CCDC88C: variants seen among roughly 807,000 people sequenced by gnomAD.
CCDC88C encodes the protein protein Daple.
In CCDC88C, 131 loss-of-function variants were observed where a neutral mutation model predicts 198.8. The observed-to-expected ratio is 0.66, with a 90% CI of 0.57 to 0.76. CCDC88C has a LOEUF of 0.76. Among genes scored for constraint, CCDC88C ranks in the 30% least tolerant of loss-of-function variants. The pLI is 0.00. For synonymous variants in CCDC88C, 1,166 were observed against 1,114.7 expected, an observed-to-expected ratio of 1.05 and a Z score of -0.92; for missense variants, 2,553 against 2,631.6, an observed-to-expected ratio of 0.97 and a Z score of 0.65.
intron 3 of CCDC88C, among the ~76,000 whole-genome samples, chr14:91,369,712 C>T (rs1432969824): frequency 2.6e-5 from 4 of 152,122 alleles, no homozygotes; most frequent in African/African-American, 9.7e-5. Flanking sequence ...GGAGTCCTGG[C>T]AAAACGAGTG....
At chr14:91,308,214 C>T in intron 17 of CCDC88C, 137 bp downstream of exon 17, 1 of 991,804 alleles carries the variant, frequency 1.0e-6, no homozygotes, top group Non-Finnish European at 1.5e-6. Context: ...GTGGCTCCCT[C>T]AGTCACTCTG....
intron 29 of CCDC88C, among the ~76,000 whole-genome samples, chr14:91,275,794 A>T (rs1391048846): frequency 7.1e-6 from 1 of 141,416 alleles, no homozygotes; most frequent in Admixed American, 7.2e-5. Context: ...GGCATGAGCC[A>T]CCGCTTGGCC....
intron 13 of CCDC88C, among the ~76,000 whole-genome samples, chr14:91,320,239 G>C (rs572138715): frequency 6.6e-6 from 1 of 152,220 alleles, no homozygotes; most frequent in Admixed American, 6.5e-5. Flanking sequence ...AAACTTTCAG[G>C]CCTCCCCTAC....
At chr14:91,370,815 A>G (rs1473270443) in intron 3 of CCDC88C, among the ~76,000 whole-genome samples, 3 of 152,310 alleles carry the variant, frequency 2.0e-5, no homozygotes, top group Middle Eastern at 3.4e-3. Flanking sequence ...TTTAAAACCA[A>G]AAGAGCCATC....
chr14:91,391,745 C>T (rs1186404652), intron 3 of CCDC88C, among the ~76,000 whole-genome samples: 1 of 152,152 alleles, frequency 6.6e-6, no homozygotes, highest in African/African-American at 2.4e-5. Context: ...TGCCACTGTA[C>T]TCCAGCCTGG....
intron 24 of CCDC88C, 56 bp from the exon 25 acceptor site, chr14:91,289,399 G>T: frequency 6.7e-7 from 1 of 1,488,622 alleles, no homozygotes. Flanking sequence ...CCCCCAGTGG[G>T]TCCCTGGTTC....
intron 3 of CCDC88C, among the ~76,000 whole-genome samples, chr14:91,390,663 T>C (rs935237658): frequency 6.6e-6 from 1 of 152,208 alleles, no homozygotes; most frequent in Non-Finnish European, 1.5e-5. Context: ...CAAAGTCGCC[T>C]TCCAGGTACA....
rs1419971045 is a variant in CCDC88C at position 91,417,773 on chromosome 14, G to A, written c.-83C>T. On this transcript the variant is annotated 5_prime_UTR_variant, in exon 1 of 30. Transcript: ENST00000389857. ...CCGCGGCACAAAACGGCTCCGCAGC[G>A]AGCAGCGGGCGCGGGGCTGCGGCGG... 2.0e-6 allele frequency: 2 copies of A among 1,020,742 alleles called. No homozygotes were observed. Among genetic ancestry groups the A allele is most frequent in the Non-Finnish European group, 2.5e-6 (2 of 795,984 alleles). The allele number at this position is 1,020,742 out of a possible 1,614,324, so 63.2% of individuals were successfully genotyped here. A position where few individuals can be genotyped will look rare whatever the true frequency, so the allele number is the denominator to read the frequency against.
At position 91,315,917 on chromosome 14, in the gene CCDC88C, A is replaced by G. The variant is rs1332332445; in HGVS notation, c.1528-130T>C. The G allele has an allele frequency of 5.5e-6, 5 of 911,820 alleles. No individual in the cohort carries two copies. The South Asian group carries it at 8.5e-5, about 15-fold the overall frequency. 56.5% of individuals were successfully genotyped at this position (911,820 alleles called of 1,614,324 possible). ...TTTTCTCAAGGGAAGACCTCCTGAC[A>G]TCATTCTGTAGCAACTCCCCACACC... On this transcript the variant is annotated intron_variant, in intron 13 of 29. Coordinates refer to ENST00000389857, the MANE Select transcript of CCDC88C (RefSeq NM_001080414.4).
At chr14:91,354,930 AAAG>A (rs745446644) in intron 4 of CCDC88C, among the ~76,000 whole-genome samples, 1 of 152,216 alleles carries the variant, frequency 6.6e-6, no homozygotes, top group Non-Finnish European at 1.5e-5. Context: ...AGAGCAGAAC[AAAG>A]AAGACAGGGC....
chr14:91,412,440 C>CT (rs11314102), intron 2 of CCDC88C, among the ~76,000 whole-genome samples: 19 of 138,572 alleles, frequency 1.4e-4, no homozygotes, highest in East Asian at 2.1e-4. Context: ...GTATTTTTTT[C>CT]TTTTTTTTTT....
At chr14:91,283,289 AG>A (rs755780759) in intron 26 of CCDC88C, 39 bp downstream of exon 26, 3 of 1,594,008 alleles carry the variant, frequency 1.9e-6, no homozygotes, top group Non-Finnish European at 2.6e-6. Context: ...GAAGGACACT[AG>A]GCCCGACGCT....
intron 12 of CCDC88C, among the ~76,000 whole-genome samples, chr14:91,324,297 G>A (rs898476892): frequency 5.3e-5 from 8 of 152,364 alleles, no homozygotes; most frequent in African/African-American, 7.2e-5. Context: ...CTGGGTCTCC[G>A]GGGCAGCAGC....
At chr14:91,363,392 T>C (rs1447501156) in intron 3 of CCDC88C, among the ~76,000 whole-genome samples, 3 of 152,002 alleles carry the variant, frequency 2.0e-5, no homozygotes, top group Non-Finnish European at 4.4e-5. Context: ...ATCACAGGTG[T>C]GAGTCACCTT....
Position 91,378,632 on chromosome 14 carries a change from T to C in CCDC88C, c.271-18921A>G, listed in dbSNP as rs1225368410. ...CCAAAAACGGAATGAGAAGTACACA[T>C]TCCCATGCTCTTTTTTATGTAGTTT... On this transcript the variant is annotated intron_variant, in intron 3 of 29. Transcript: ENST00000389857. The C allele has an allele frequency of 4.2e-5, 6 of 143,546 alleles. No individual in the cohort carries two copies. In the East Asian group the frequency reaches 1.2e-3, roughly 28 times the overall value. The allele number at this position is 143,546 out of a possible 1,614,324, so 8.9% of individuals were successfully genotyped here. A position where few individuals can be genotyped will look rare whatever the true frequency, so the allele number is the denominator to read the frequency against.
chr14:91,365,186 T>TCACCCCC, intron 3 of CCDC88C, among the ~76,000 whole-genome samples: 1 of 150,704 alleles, frequency 6.6e-6, no homozygotes, highest in South Asian at 2.1e-4. Context: ...CCCTCACCCC[T>TCACCCCC]CACCCCTCCC....
chr14:91,282,583 G>A (rs1321974698), intron 26 of CCDC88C, among the ~76,000 whole-genome samples: 2 of 152,124 alleles, frequency 1.3e-5, no homozygotes, highest in Admixed American at 6.5e-5. Flanking sequence ...ATCTGACTGA[G>A]CCATTCTGCT....
chr14:91,298,526 C>A (rs1176981530), intron 21 of CCDC88C, among the ~76,000 whole-genome samples: 4 of 147,094 alleles, frequency 2.7e-5, no homozygotes, highest in Admixed American at 2.0e-4. Context: ...AAGATCCCAT[C>A]TCAAAAAAAA....
intron 15 of CCDC88C, among the ~76,000 whole-genome samples, chr14:91,312,179 A>G (rs1891858270): frequency 6.6e-6 from 1 of 152,166 alleles, no homozygotes; most frequent in Admixed American, 6.5e-5. Flanking sequence ...CCCTGAGGTC[A>G]AGAGTTCAAG....
Sources: gnomAD v4.1 joint callset for allele counts (sites outside exome capture counted in the v4.1 genomes callset) on GRCh38, gnomAD v4.1.1 for gene constraint, MANE v1.5 for transcripts, NCBI Gene and HGNC (gene_info 2026-07-23, HGNC 2026-07-21) for gene names.